SF3B1: variants seen among roughly 807,000 people sequenced by gnomAD.
SF3B1 encodes splicing factor 3b subunit 1, also known as pre-mRNA processing 10.
In SF3B1, 12 loss-of-function variants were observed where a neutral mutation model predicts 153.8. The ratio of observed to expected loss-of-function variants is 0.08; its 90% CI spans 0.05 to 0.13. The LOEUF (loss-of-function observed/expected upper bound fraction) is 0.13. Among genes scored for constraint, SF3B1 ranks in the 10% least tolerant of loss-of-function variants. The pLI is 1.00. For synonymous variants in SF3B1, 498 were observed against 525.2 expected, an observed-to-expected ratio of 0.95 and a Z score of 0.71; for missense variants, 513 against 1,606.1, an observed-to-expected ratio of 0.32 and a Z score of 11.63.
chr2:197,399,210 G>T (rs1431049858), intron 20 of SF3B1, among the ~76,000 whole-genome samples: 1 of 152,184 alleles, frequency 6.6e-6, no homozygotes, highest in East Asian at 1.9e-4. Context: ...TTTCTGGCAA[G>T]TAGCTATCTT....
At position 197,403,046 on chromosome 2, in the gene SF3B1, G is replaced by GAA. The variant is rs3217350; in HGVS notation, c.1720-13_1720-12dup. The GAA allele has an allele frequency of 0.68, 1,077,056 of 1,585,106 alleles. 370,227 individuals are homozygous for GAA. Among genetic ancestry groups the GAA allele is most frequent in the Middle Eastern group, 0.86 (5,032 of 5,878 alleles). ...AATGACCACGAGGATCTGAAAAAGA[G>GAA]AAAAGAGAAGAAGCTACACTTTCAC... On this transcript the variant is annotated splice_polypyrimidine_tract_variant and intron_variant, in intron 12 of 24. Transcript: ENST00000335508.
intron 23 of SF3B1, among the ~76,000 whole-genome samples, chr2:197,394,225 G>T (rs1326159606): frequency 1.3e-5 from 2 of 151,932 alleles, no homozygotes; most frequent in Non-Finnish European, 2.9e-5. Context: ...TATTGTTATT[G>T]TTAGAGATAG....
chr2:197,393,215 T>C (rs1559262538), intron 23 of SF3B1, 27 bp from the exon 24 acceptor site: 8 of 1,477,074 alleles, frequency 5.4e-6, no homozygotes, highest in Non-Finnish European at 7.6e-6. Flanking sequence ...AAAAGTCCTT[T>C]AAGATGCGGT....
At chr2:197,425,636 C>A (rs1387244914) in intron 1 of SF3B1, among the ~76,000 whole-genome samples, 4 of 151,962 alleles carry the variant, frequency 2.6e-5, no homozygotes, top group Non-Finnish European at 5.9e-5. Context: ...TGCAGGATAA[C>A]AAAATGTCCT....
chr2:197,427,450 A>C (rs2085352320), intron 1 of SF3B1, among the ~76,000 whole-genome samples: 1 of 152,250 alleles, frequency 6.6e-6, no homozygotes, highest in Non-Finnish European at 1.5e-5. Context: ...AAAACTCAGC[A>C]GCTTATTATG....
At chr2:197,419,159 G>A (rs2085201191) in intron 4 of SF3B1, 1 of 485,804 alleles carries the variant, frequency 2.1e-6, no homozygotes, top group South Asian at 4.2e-5. Flanking sequence ...TACTAAAAAG[G>A]GCTTCATGCT....
At chr2:197,428,986 G>C (rs555225452) in intron 1 of SF3B1, among the ~76,000 whole-genome samples, 61 of 152,040 alleles carry the variant, frequency 4.0e-4, no homozygotes, top group Middle Eastern at 3.4e-3. Flanking sequence ...AAAAAGGCGG[G>C]GGTTGGCAAC....
At chr2:197,412,308 C>G (rs1217025008) in intron 6 of SF3B1, among the ~76,000 whole-genome samples, 1 of 151,480 alleles carries the variant, frequency 6.6e-6, no homozygotes, top group Non-Finnish European at 1.5e-5. Flanking sequence ...ATTAAATGAA[C>G]AGAATTTTTA....
intron 6 of SF3B1, 112 bp downstream of exon 6, chr2:197,416,629 G>T (rs575520202): frequency 2.2e-6 from 2 of 894,458 alleles, no homozygotes; most frequent in African/African-American, 1.7e-5. Context: ...AATGTCTGTT[G>T]TTTAAGGCAC....
Position 197,402,456 on chromosome 2 carries a change from G to T in SF3B1, c.2077+100C>A. On this transcript the variant is annotated intron_variant, in intron 14 of 24. Transcript: ENST00000335508. This position sits in a 1 kb window ranked among gnomAD's most constrained non-coding sequence, Gnocchi z 4.6. The stretch of plus-strand genomic sequence containing the variant: ...AACTACTAAGGAGGCTGAGCAGGAG[G>T]ATCACTTGAGCCCAAAGGTTTGAGT... 1 of 1,025,172 alleles carries T rather than the reference G, an allele frequency of 9.8e-7. No homozygotes were observed. The allele number at this position is 1,025,172 out of a possible 1,614,324, so 63.5% of individuals were successfully genotyped here.
intron 4 of SF3B1, chr2:197,419,601 G>A: frequency 4.5e-6 from 1 of 224,152 alleles, no homozygotes; most frequent in Non-Finnish European, 8.9e-6. Context: ...GTGTTGAACT[G>A]CACCCTTAAG....
At chr2:197,410,847 C>T (rs1457284416) in intron 6 of SF3B1, among the ~76,000 whole-genome samples, 3 of 152,174 alleles carry the variant, frequency 2.0e-5, no homozygotes, top group Non-Finnish European at 4.4e-5. Flanking sequence ...TGATTTCAAT[C>T]TTGAGATCAG....
intron 1 of SF3B1, 66 bp downstream of exon 1, chr2:197,434,906 C>T (rs553167917): frequency 2.6e-6 from 4 of 1,536,946 alleles, no homozygotes; most frequent in East Asian, 4.5e-5. Context: ...AGGCAGAATC[C>T]TAGGAAAAAA....
chr2:197,420,146 A>C (rs2085216502), intron 4 of SF3B1: 1 of 358,514 alleles, frequency 2.8e-6, no homozygotes, highest in Non-Finnish European at 5.1e-6. Context: ...CAAGTATAGA[A>C]AGCGTACCCA....
chr2:197,397,884 G>T, intron 22 of SF3B1, 101 bp downstream of exon 22: 1 of 810,662 alleles, frequency 1.2e-6, no homozygotes, highest in Middle Eastern at 2.9e-4. Context: ...GCATTATTCA[G>T]ACCATGCCTC....
At chr2:197,407,869 G>T (rs76070530) in intron 9 of SF3B1, 129 bp downstream of exon 9, 2 of 731,094 alleles carry the variant, frequency 2.7e-6, no homozygotes, top group East Asian at 2.7e-5. Context: ...AATATACCTG[G>T]AAATAGCTAA....
In SF3B1 at chr2:197,401,134, G is replaced by A. The variant is rs1405302482; in HGVS notation, c.2497-198C>T. Among the ~76,000 whole-genome samples, 2 of 152,156 alleles carry A rather than the reference G, an allele frequency of 1.3e-5. No homozygotes were observed. Among genetic ancestry groups the A allele is most frequent in the African/African-American group, 4.8e-5 (2 of 41,448 alleles). On this transcript the variant is annotated intron_variant, in intron 17 of 24. Coordinates refer to ENST00000335508, the MANE Select transcript of SF3B1 (RefSeq NM_012433.4). The surrounding 1 kb of genome is among the most constrained non-coding windows in gnomAD (Gnocchi z 4.2). ...ATGAGTATAAGTTAACATGATTCAA[G>A]GTAAAACTGTGTCCATGTTTCATCT...
chr2:197,429,886 C>A (rs2085400132), intron 1 of SF3B1, among the ~76,000 whole-genome samples: 1 of 152,092 alleles, frequency 6.6e-6, no homozygotes, highest in Admixed American at 6.5e-5. Flanking sequence ...TTTCTGGGTG[C>A]TTCCATTGCT....
rs1352327965 is a variant in SF3B1 at position 197,391,793 on chromosome 2, C to T, written c.*510G>A. On this transcript the variant is annotated 3_prime_UTR_variant, in exon 25 of 25. Coordinates refer to ENST00000335508, the MANE Select transcript of SF3B1 (RefSeq NM_012433.4). ...CCCCTGAGGCTACTCTTCTTGCTGT[C>T]ATTATTAACACAACAATGGAATTTT... 1.9e-4 allele frequency: 29 copies of T among 155,498 alleles called. No homozygotes were observed. The Admixed American group carries it at 1.9e-3, about 10-fold the overall frequency. 9.6% of individuals were successfully genotyped at this position (155,498 alleles called of 1,614,324 possible).
Sources: gnomAD v4.1 joint callset for allele counts (sites outside exome capture counted in the v4.1 genomes callset) on GRCh38, gnomAD v4.1.1 for gene constraint, Gnocchi (gnomAD v3.1) non-coding constraint, MANE v1.5 for transcripts, NCBI Gene and HGNC (gene_info 2026-07-23, HGNC 2026-07-21) for gene names.